The following CDC42 variants were observed in gnomAD, a reference collection of about 807,000 sequenced individuals.
The protein encoded by CDC42 is cell division control protein 42 homolog.
In CDC42, 1 loss-of-function variant was observed where a neutral mutation model predicts 20.8. The observed-to-expected ratio is 0.05, with a 90% confidence interval of 0.02 to 0.23. The LOEUF is 0.23. Among genes scored for constraint, CDC42 ranks in the 10% least tolerant of loss-of-function variants. CDC42 has a pLI of 1.00. For synonymous variants in CDC42, 72 were observed against 84.8 expected (o/e 0.85, Z 0.83); for missense variants, 49 against 227.9 (o/e 0.21, Z 5.05).
At chr1:22,054,630 T>G (rs1174928563) in intron 1 of CDC42, among the ~76,000 whole-genome samples, 2 of 152,026 alleles carry the variant, frequency 1.3e-5, no homozygotes, top group Non-Finnish European at 2.9e-5. Flanking sequence ...TGTTTCTCAT[T>G]TCTATAGAGA....
At chr1:22,079,017 G>A (rs1213363938) in intron 2 of CDC42, 2 of 373,296 alleles carry the variant, frequency 5.4e-6, no homozygotes, top group East Asian at 9.1e-5. Flanking sequence ...GGAGCTGTTC[G>A]CTTAGCAGTA....
At chr1:22,065,538 CG>C (rs1645413034) in intron 1 of CDC42, among the ~76,000 whole-genome samples, 1 of 152,090 alleles carries the variant, frequency 6.6e-6, no homozygotes, top group African/African-American at 2.4e-5. Flanking sequence ...TTTAATTTTG[CG>C]TAAGAATAAG....
chr1:22,067,662 C>G (rs1645439810), intron 1 of CDC42, among the ~76,000 whole-genome samples: 1 of 152,112 alleles, frequency 6.6e-6, no homozygotes, highest in Non-Finnish European at 1.5e-5. Flanking sequence ...TTCCTTTTTG[C>G]TGTGTCTTCT....
chr1:22,090,114 C>T, intron 5 of CDC42: 5 of 1,518,626 alleles, frequency 3.3e-6, no homozygotes, highest in Non-Finnish European at 4.4e-6. Flanking sequence ...GGAATAAAAC[C>T]ATCCTGTTTG....
intron 1 of CDC42, among the ~76,000 whole-genome samples, chr1:22,061,532 CTTTTTTTTTTTTTTTTTT>C (rs555957608): frequency 0.011 from 381 of 36,244 alleles, 19 homozygotes; most frequent in African/African-American, 0.037. Context: ...ATGTTTCTTT[CTTTTTTTTTTTTTTTTTT>C]TTTTTTTTTT....
At chr1:22,091,385 C>A in intron 5 of CDC42, 43 bp from the exon 6 acceptor site, 1 of 1,272,786 alleles carries the variant, frequency 7.9e-7, no homozygotes, top group Non-Finnish European at 1.1e-6. Flanking sequence ...CTTTATTATA[C>A]TGAAAATCAG....
At chr1:22,054,309 G>C (rs890976226) in intron 1 of CDC42, among the ~76,000 whole-genome samples, 1 of 151,874 alleles carries the variant, frequency 6.6e-6, no homozygotes, top group Admixed American at 6.6e-5. Context: ...TCCGCCTCCC[G>C]GGGTCAAGTG....
chr1:22,086,841 A>T lies in CDC42; in HGVS notation c.461A>T (p.Tyr154Phe). 1.2e-6 allele frequency: 2 copies of T among 1,614,000 alleles called. No homozygotes were observed. The highest frequency in any genetic ancestry group is 1.7e-6 in the Non-Finnish European group (2 of 1,179,856). Residue 154 changes from tyrosine (Y) to phenylalanine (F), a missense_variant, in exon 5 of 6, where the codon TAT becomes TTT. Physicochemically the swap from Tyr to Phe is conservative, Grantham distance 22. Transcript: ENST00000656825. ...KLARDLKAVK[Y>F]VECSALTQKG... ...GCCCGTGACCTGAAGGCTGTCAAGT[A>T]TGTGGAGTGTTCTGCACTTACACAG...
At chr1:22,065,907 C>T (rs1309825565) in intron 1 of CDC42, among the ~76,000 whole-genome samples, 2 of 151,880 alleles carry the variant, frequency 1.3e-5, no homozygotes, top group Non-Finnish European at 2.9e-5. Context: ...TACAGGTGTG[C>T]GCCACCATGC....
chr1:22,089,190 A>G (rs189665401), intron 5 of CDC42, among the ~76,000 whole-genome samples: 71 of 152,332 alleles, frequency 4.7e-4, no homozygotes, highest in Non-Finnish European at 8.8e-4. Flanking sequence ...CCTAAGTACC[A>G]CCAATGCTGA....
Position 22,083,080 on chromosome 1 carries a change from C to A in CDC42, c.178+1286C>A, listed in dbSNP as rs537072592. On this transcript the variant is annotated intron_variant, in intron 3 of 5. Coordinates refer to ENST00000656825, the MANE Select transcript of CDC42 (RefSeq NM_001791.4). ...TATTTTAGTAGAGGTAGGGTTTCTC[C>A]ATGTTGGTCAGGCTGGTCTCGAACT... 3.8e-3 allele frequency among the ~76,000 whole-genome samples: 583 copies of A among 151,848 alleles called. 4 individuals carry two copies. The highest frequency in any genetic ancestry group is 0.012 in the Admixed American group (185 of 15,256).
intron 5 of CDC42, chr1:22,090,668 G>A: frequency 1.0e-5 from 10 of 985,392 alleles, no homozygotes; most frequent in Non-Finnish European, 1.2e-5. Flanking sequence ...CATTTAAACA[G>A]TTGACTTACA....
Position 22,099,178 on chromosome 1 carries a change from A to G in CDC42, c.*7661A>G, listed in dbSNP as rs1178052418. ...TGCAGTAGGAAGAAAGGTAGCCTCA[A>G]GGCCCCCATAAATAAATTGGTGCAT... On this transcript the variant is annotated 3_prime_UTR_variant, in exon 6 of 6. Coordinates refer to ENST00000656825, the MANE Select transcript of CDC42 (RefSeq NM_001791.4). 2.0e-5 allele frequency among the ~76,000 whole-genome samples: 3 copies of G among 152,248 alleles called. No homozygotes were observed. The highest frequency in any genetic ancestry group is 7.2e-5 in the African/African-American group (3 of 41,470).
intron 1 of CDC42, among the ~76,000 whole-genome samples, chr1:22,071,746 C>T (rs908401325): frequency 6.6e-6 from 1 of 152,184 alleles, no homozygotes; most frequent in African/African-American, 2.4e-5. Context: ...TGTAGTGCCT[C>T]TTCTTTCTTG....
intron 1 of CDC42, among the ~76,000 whole-genome samples, chr1:22,074,479 T>C (rs1246716579): frequency 6.6e-6 from 1 of 152,224 alleles, no homozygotes; most frequent in Non-Finnish European, 1.5e-5. Context: ...ATAGGGTATA[T>C]GAACATGTCT....
At chr1:22,091,345 G>A in intron 5 of CDC42, 83 bp from the exon 6 acceptor site, 2 of 807,152 alleles carry the variant, frequency 2.5e-6, no homozygotes, top group Non-Finnish European at 4.2e-6. Flanking sequence ...CAACTCTTGG[G>A]GGTTTGAATG....
Position 22,071,046 on chromosome 1 carries a change from C to CT in CDC42, c.-50-7368dup, listed in dbSNP as rs10684040. 3.9e-3 allele frequency among the ~76,000 whole-genome samples: 483 copies of CT among 125,242 alleles called. 42 individuals carry two copies. The highest frequency in any genetic ancestry group is 0.015 in the East Asian group (64 of 4,388). 82.2% of individuals were successfully genotyped at this position (125,242 alleles called of 152,430 possible). On this transcript the variant is annotated intron_variant, in intron 1 of 5. Coordinates refer to ENST00000656825, the MANE Select transcript of CDC42 (RefSeq NM_001791.4). ...AACAAGCATTTCTTTTTTTTTCTTT[C>CT]TTTTTTTTTTTTTTTGAGATGGAGT...
At chr1:22,090,882 C>T (rs1645709124) in intron 5 of CDC42, 2 of 803,570 alleles carry the variant, frequency 2.5e-6, no homozygotes, top group Non-Finnish European at 3.0e-6. Flanking sequence ...CACATTTTTG[C>T]TCCCTTGAAT....
rs763533175 is a variant in CDC42 at position 22,101,199 on chromosome 1, A to G, written c.*9682A>G. 1 of 152,212 alleles carries G rather than the reference A, an allele frequency of 6.6e-6. No individual in the cohort carries two copies. Among genetic ancestry groups the G allele is most frequent in the African/African-American group, 2.4e-5 (1 of 41,446 alleles). 9.4% of individuals were successfully genotyped at this position (152,212 alleles called of 1,614,324 possible). On this transcript the variant is annotated 3_prime_UTR_variant, in exon 6 of 6. Transcript: ENST00000656825. The stretch of plus-strand genomic sequence containing the variant: ...AACTTGCATTATGGTGTTTGATACT[A>G]TATCTTCATTTCTCCCATGGTAGTA...
Sources: gnomAD v4.1 joint callset for allele counts (sites outside exome capture counted in the v4.1 genomes callset) on GRCh38, gnomAD v4.1.1 for gene constraint, MANE v1.5 for transcripts, NCBI Gene and HGNC (gene_info 2026-07-23, HGNC 2026-07-21) for gene names.